The following ATP7B variants were observed in gnomAD, a reference collection of about 807,000 sequenced individuals.
The protein encoded by ATP7B is ATPase copper transporting beta.
A neutral mutation model predicts 118.9 loss-of-function variants in ATP7B; 113 were observed. The ratio of observed to expected loss-of-function variants is 0.95; its 90% CI spans 0.82 to 1.11. The LOEUF is 1.11. Among genes scored for constraint, ATP7B ranks in the 50% most tolerant of loss-of-function variants. ATP7B has a pLI of 0.00. For synonymous variants in ATP7B, 777 were observed against 727.4 expected, an observed-to-expected ratio of 1.07 and a Z score of -1.10; for missense variants, 1,867 against 1,871.4, an observed-to-expected ratio of 1.00 and a Z score of 0.04.
chr13:51,971,844 C>T (rs1014595096), intron 2 of ATP7B, among the ~76,000 whole-genome samples: 1 of 152,250 alleles, frequency 6.6e-6, no homozygotes, highest in African/African-American at 2.4e-5. Context: ...TCTCAGTGAC[C>T]ACAGGAAATG....
intron 13 of ATP7B, among the ~76,000 whole-genome samples, chr13:51,946,036 G>A (rs534454018): frequency 2.0e-5 from 3 of 152,276 alleles, no homozygotes; most frequent in Admixed American, 6.5e-5. Context: ...TGTAAAATGG[G>A]AATGATAAGC....
Position 51,934,679 on chromosome 13 carries a change from A to T in ATP7B, c.*77T>A. 2.5e-6 allele frequency: 4 copies of T among 1,596,754 alleles called. No individual in the cohort carries two copies. Among genetic ancestry groups the T allele is most frequent in the Non-Finnish European group, 3.4e-6 (4 of 1,173,632 alleles). ...CCAAAGCTGGAGGCTAGCTCAGCCCATCCTGCTGCTGGCTGTCCTGCTCAG... is the reference window on the plus strand; with the variant it reads ...CCAAAGCTGGAGGCTAGCTCAGCCCTTCCTGCTGCTGGCTGTCCTGCTCAG... On this transcript the variant is annotated 3_prime_UTR_variant, in exon 21 of 21. Coordinates refer to ENST00000242839, the MANE Select transcript of ATP7B (RefSeq NM_000053.4).
Position 51,949,720 on chromosome 13 carries a change from A to G in ATP7B, c.2807T>C (p.Leu936Ser). ...AAAACCGATTACAATCCATACCACC[A>G]ACGTCAAAGTTGACATGATGATGAT... ...PFIIIMSTLT[L>S]VVWIVIGFID... Residue 936 changes from leucine (L) to serine (S), a missense_variant, in exon 12 of 21, where the codon TTG becomes TCG. By Grantham distance (145) the Leu-to-Ser change is moderately radical. Transcript: ENST00000242839. 4 of 1,614,168 alleles carry G rather than the reference A, an allele frequency of 2.5e-6. No homozygotes were observed. Among genetic ancestry groups the G allele is most frequent in the Non-Finnish European group, 3.4e-6 (4 of 1,180,030 alleles).
At position 51,934,967 on chromosome 13, in the gene ATP7B, G is replaced by T. The variant is rs528603867; in HGVS notation, c.4187C>A (p.Thr1396Lys). ...AQAHGHMKPL[T>K]ASQVSVHIGM... ...TATGTGCACACTGACCTGGGATGCCGTCAGGGGCTTCATGTGGCCATGCGC... is the reference window on the plus strand; with the variant it reads ...TATGTGCACACTGACCTGGGATGCCTTCAGGGGCTTCATGTGGCCATGCGC... Residue 1396 changes from threonine (T) to lysine (K), a missense_variant, in exon 21 of 21, where the codon ACG (threonine) becomes AAG (lysine). Transcript: ENST00000242839. 1 of 1,614,050 alleles carries T rather than the reference G, an allele frequency of 6.2e-7. No homozygotes were observed. Among genetic ancestry groups the T allele is most frequent in the East Asian group, 2.2e-5 (1 of 44,878 alleles).
intron 4 of ATP7B, 31 bp downstream of exon 4, chr13:51,968,413 T>C: frequency 6.2e-7 from 1 of 1,614,074 alleles, no homozygotes; most frequent in Non-Finnish European, 8.5e-7. Context: ...GTCAGAAGCC[T>C]GTAACCCCGT....
rs180747207 is a variant in ATP7B, at chr13:51,959,728, A to G, written c.2121+420T>C. ...TATAACTTCCTGAAAGACAAGGACC[A>G]TATCTCCACCTTTTAAGATAGAACA... is the stretch of plus-strand genomic sequence containing the variant. On this transcript the variant is annotated intron_variant, in intron 7 of 20. Coordinates refer to ENST00000242839, the MANE Select transcript of ATP7B (RefSeq NM_000053.4). 35 of 225,146 alleles carry G rather than the reference A, an allele frequency of 1.6e-4. 1 individual carries two copies. In the Admixed American group the frequency reaches 1.7e-3, roughly 11 times the overall value. The allele number at this position is 225,146 out of a possible 1,614,324, so 13.9% of individuals were successfully genotyped here. A position where few individuals can be genotyped will look rare whatever the true frequency, so the allele number is the denominator to read the frequency against.
Position 51,941,192 on chromosome 13 carries a change from C to T in ATP7B, c.3445G>A (p.Gly1149Arg). ...AVPQTFSVLIGNREWLRRNGL... is the reference protein window; with the variant it reads ...AVPQTFSVLIRNREWLRRNGL... ...TTGCGCCTCAGCCACTCACGGTTTC[C>T]AATCAGCACAGAGAAGGTCTGGGGG... is the stretch of plus-strand genomic sequence containing the variant. Residue 1149 changes from glycine to arginine, a missense_variant, in exon 16 of 21, where the codon GGA becomes AGA. By Grantham distance (125) the Gly-to-Arg change is moderately radical. Transcript: ENST00000242839. 1 of 1,614,122 alleles carries T rather than the reference C, an allele frequency of 6.2e-7. No individual in the cohort carries two copies. Among genetic ancestry groups the T allele is most frequent in the South Asian group, 1.1e-5 (1 of 91,066 alleles).
chr13:51,977,431 G>T (rs1050845844), intron 1 of ATP7B, among the ~76,000 whole-genome samples: 2 of 152,098 alleles, frequency 1.3e-5, no homozygotes, highest in African/African-American at 4.8e-5. Flanking sequence ...CACATGGTCA[G>T]GATCATCAGT....
chr13:51,948,622 C>T (rs1170553790), intron 12 of ATP7B, among the ~76,000 whole-genome samples: 2 of 152,120 alleles, frequency 1.3e-5, no homozygotes, highest in Non-Finnish European at 2.9e-5. Context: ...CTGTGATGTG[C>T]CTTGCAGGAT....
chr13:51,974,923 A>G lies in ATP7B; in HGVS notation c.297T>C (p.Thr99=). Residue 99 remains threonine, a synonymous_variant, in exon 2 of 21, where the codon ACT becomes ACC. Coordinates refer to ENST00000242839, the MANE Select transcript of ATP7B (RefSeq NM_000053.4). ...ACACAACCGATGGCACATATTTCAC[A>G]GTGGCACTGCCTTGTTCCAGGGAAA... ...MKVSLEQGSA[T]VKYVPSVVCL... 1 of 1,614,238 alleles carries G rather than the reference A, an allele frequency of 6.2e-7. No homozygotes were observed. The highest frequency in any genetic ancestry group is 8.5e-7 in the Non-Finnish European group (1 of 1,180,044).
intron 1 of ATP7B, among the ~76,000 whole-genome samples, chr13:51,999,855 C>T (rs1953406319): frequency 6.6e-6 from 1 of 152,174 alleles, no homozygotes; most frequent in Non-Finnish European, 1.5e-5. Flanking sequence ...AGACAGTGGT[C>T]CTATCCCCTC....
intron 1 of ATP7B, among the ~76,000 whole-genome samples, chr13:51,984,611 C>T (rs750045843): frequency 1.3e-5 from 2 of 152,066 alleles, no homozygotes; most frequent in African/African-American, 2.4e-5. Context: ...GACACATAAT[C>T]GTCAGATTCA....
At chr13:51,968,863 C>CTT (rs201291586) in intron 3 of ATP7B, among the ~76,000 whole-genome samples, 10 of 128,646 alleles carry the variant, frequency 7.8e-5, no homozygotes, top group African/African-American at 2.2e-4. Flanking sequence ...TTTCTTTTTT[C>CTT]TTTTTTTTTT....
At chr13:51,963,109 A>G (rs1038974134) in intron 5 of ATP7B, among the ~76,000 whole-genome samples, 1 of 151,972 alleles carries the variant, frequency 6.6e-6, no homozygotes, top group African/African-American at 2.4e-5. Context: ...AAAAAGAAAG[A>G]AAGAAATCAG....
Position 51,950,084 on chromosome 13 carries a change from T to C in ATP7B, c.2653A>G (p.Ile885Val), listed in dbSNP as rs1186544838. The C allele has an allele frequency of 6.2e-7, 1 of 1,614,248 alleles. No individual in the cohort carries two copies. The highest frequency in any genetic ancestry group is 1.1e-5 in the South Asian group (1 of 91,086). The change falls in exon 11 of 21, where the codon ATT (isoleucine) becomes GTT (valine). Residue 885 changes from isoleucine to valine, a missense_variant. By Grantham distance (29) the Ile-to-Val change is conservative. Transcript: ENST00000242839. The part of the protein sequence containing the change: ...GSINAHGSVL[I>V]KATHVGNDTT... ...TCATTGCCCACGTGGGTAGCTTTAA[T>C]GAGCACAGAGCCATGTGCATTTATA...
At position 51,935,645 on chromosome 13, in the gene ATP7B, C is replaced by T. The variant is rs1269584083; in HGVS notation, c.4072G>A (p.Ala1358Thr). 6.2e-7 allele frequency: 1 copy of T among 1,613,690 alleles called. No homozygotes were observed. Among genetic ancestry groups the T allele is most frequent in the Non-Finnish European group, 8.5e-7 (1 of 1,179,964 alleles). The change falls in exon 20 of 21, where the codon GCC becomes ACC. Residue 1358 changes from alanine to threonine, a missense_variant. Ala to Thr is a moderately conservative substitution (Grantham distance 58). Coordinates refer to ENST00000242839, the MANE Select transcript of ATP7B (RefSeq NM_000053.4). ...IVLQPWMGSA[A>T]MAASSVSVVL... ...ACAGACACAGAGGAGGCTGCCATGG[C>T]CGCTGAGCCCATCCAGGGCTGCAGC...
rs1957052025 is a variant in ATP7B at position 51,937,653 on chromosome 13, C to T, written c.3726G>A (p.Glu1242=). ...TQVGINKVFA[E]VLPSHKVAKV... is the part of the protein sequence containing the mutation. ...TGGCCACCTTGTGCGAAGGCAGCACCTCTGCAAAGACTTTGTTGATGCCAA... is the reference window on the plus strand; with the variant it reads ...TGGCCACCTTGTGCGAAGGCAGCACTTCTGCAAAGACTTTGTTGATGCCAA... The change falls in exon 18 of 21, where the codon GAG becomes GAA. Residue 1242 remains glutamate (E), a synonymous_variant. Coordinates refer to ENST00000242839, the MANE Select transcript of ATP7B (RefSeq NM_000053.4). The T allele has an allele frequency of 3.1e-6, 5 of 1,614,278 alleles. No homozygotes were observed. Among genetic ancestry groups the T allele is most frequent in the Non-Finnish European group, 4.2e-6 (5 of 1,180,052 alleles).
Position 51,977,406 on chromosome 13 carries a change from A to G in ATP7B, c.52-2238T>C, listed in dbSNP as rs76780753. On this transcript the variant is annotated intron_variant, in intron 1 of 20. Coordinates refer to ENST00000242839, the MANE Select transcript of ATP7B (RefSeq NM_000053.4). ...TAAAAACTAAGACACAAACACATAC[A>G]TTAGCCTCGGCCTACACATGGTCAG... Among the ~76,000 whole-genome samples the G allele has an allele frequency of 2.0e-3, 307 of 152,060 alleles. 8 individuals are homozygous for G. In the East Asian group the frequency reaches 0.055, roughly 27 times the overall value.
At chr13:52,005,183 A>G (rs1302990572) in intron 1 of ATP7B, among the ~76,000 whole-genome samples, 1 of 152,196 alleles carries the variant, frequency 6.6e-6, no homozygotes, top group Non-Finnish European at 1.5e-5. Flanking sequence ...CATTCTTCCC[A>G]GCAGCCTTTT....
Sources: gnomAD v4.1 joint callset for allele counts (sites outside exome capture counted in the v4.1 genomes callset) on GRCh38, gnomAD v4.1.1 for gene constraint, MANE v1.5 for transcripts, NCBI Gene and HGNC (gene_info 2026-07-23, HGNC 2026-07-21) for gene names.